Variants in FARP2 observed in about 807,000 individuals in gnomAD.
The protein encoded by FARP2 is FERM, ARH/RhoGEF and pleckstrin domain protein 2.
Under a neutral mutation model 130.5 loss-of-function variants are expected in FARP2, and 111 were observed. The ratio of observed to expected loss-of-function variants is 0.85; its 90% CI spans 0.73 to 1.00. The LOEUF (loss-of-function observed/expected upper bound fraction) is 1.00. Ranked by LOEUF, FARP2 falls within the 50% of genes least tolerant of loss-of-function variation. The pLI is 0.00. For synonymous variants in FARP2, 504 were observed against 516.9 expected (o/e 0.98, Z 0.34); for missense variants, 1,385 against 1,346.3 (o/e 1.03, Z -0.45).
At chr2:241,476,352 A>G (rs2124858969) in intron 19 of FARP2, among the ~76,000 whole-genome samples, 1 of 151,890 alleles carries the variant, frequency 6.6e-6, no homozygotes, top group Admixed American at 6.6e-5. Context: ...ACAGCACTGC[A>G]CTCCAGCCTG....
intron 18 of FARP2, among the ~76,000 whole-genome samples, chr2:241,471,992 A>G (rs437022): frequency 0.36 from 53,675 of 148,296 alleles, 9,520 homozygotes; most frequent in Admixed American, 0.43. Flanking sequence ...TGTTTTGAGG[A>G]GAACCTGTTA....
chr2:241,453,570 C>T (rs1296275925), intron 13 of FARP2, among the ~76,000 whole-genome samples: 6 of 150,824 alleles, frequency 4.0e-5, no homozygotes, highest in Non-Finnish European at 5.9e-5. Context: ...TGCAGTGAGC[C>T]GAGATCGTGT....
rs1038843363 is a variant in FARP2, at chr2:241,472,807, C to A, written c.2132-3050C>A. Among the ~76,000 whole-genome samples, 41 of 148,362 alleles carry A rather than the reference C, an allele frequency of 2.8e-4. 1 individual carries two copies. Among genetic ancestry groups the A allele is most frequent in the Admixed American group, 2.7e-3 (41 of 14,922 alleles). ...CTGAAGGGACTCAGTTCTGAGGGCA[C>A]CCTGTTCTGAGGGGACGCTATTCTG... On this transcript the variant is annotated intron_variant, in intron 18 of 26. Coordinates refer to ENST00000264042, the MANE Select transcript of FARP2 (RefSeq NM_014808.4).
intron 13 of FARP2, chr2:241,442,392 T>C (rs1430712426): frequency 2.2e-6 from 1 of 456,606 alleles, no homozygotes; most frequent in Non-Finnish European, 4.4e-6. Context: ...CATGGGACTC[T>C]GAAACCGAGG....
chr2:241,408,473 G>A (rs372302612), intron 5 of FARP2, among the ~76,000 whole-genome samples: 198 of 151,966 alleles, frequency 1.3e-3, no homozygotes, highest in African/African-American at 4.6e-3. Context: ...AATCCAGGAG[G>A]CAGAGGTTGC....
At chr2:241,433,633 A>G (rs1207686944) in intron 9 of FARP2, among the ~76,000 whole-genome samples, 1 of 152,218 alleles carries the variant, frequency 6.6e-6, no homozygotes, top group Non-Finnish European at 1.5e-5. Flanking sequence ...ATTGTGGGTG[A>G]CTTCATTTTT....
At chr2:241,428,731 C>G (rs1016841072) in intron 8 of FARP2, among the ~76,000 whole-genome samples, 17 of 151,888 alleles carry the variant, frequency 1.1e-4, no homozygotes, top group African/African-American at 4.1e-4. Flanking sequence ...ATGACCGTCA[C>G]TACTATCTAA....
chr2:241,440,647 G>A (rs1032982574), intron 12 of FARP2, among the ~76,000 whole-genome samples: 4 of 152,044 alleles, frequency 2.6e-5, no homozygotes, highest in African/African-American at 9.7e-5. Flanking sequence ...TAACTCCCTC[G>A]CGACGATACA....
chr2:241,436,399 T>TA lies in FARP2; in HGVS notation c.1101-81dup. The TA allele has an allele frequency of 7.5e-6, 9 of 1,193,744 alleles. No homozygotes were observed. In the South Asian group the frequency reaches 1.1e-4, roughly 14 times the overall value. The allele number at this position is 1,193,744 out of a possible 1,614,324, so 73.9% of individuals were successfully genotyped here. A position where few individuals can be genotyped will look rare whatever the true frequency, so the allele number is the denominator to read the frequency against. ...TTTCTTGTGAGGTTTTCTTCATGGA[T>TA]ACAGTACATGCTTGCTGCTTTAAAA... On this transcript the variant is annotated intron_variant, in intron 11 of 26. Transcript: ENST00000264042.
chr2:241,391,905 T>TC (rs1232412699), intron 2 of FARP2, among the ~76,000 whole-genome samples: 1 of 152,016 alleles, frequency 6.6e-6, no homozygotes, highest in Non-Finnish European at 1.5e-5. Flanking sequence ...AACAGGGAAA[T>TC]TTAATAGAAA....
chr2:241,415,989 CTGTG>C (rs57774022), intron 7 of FARP2, among the ~76,000 whole-genome samples: 14,649 of 141,702 alleles, frequency 0.1, 849 homozygotes, highest in East Asian at 0.26. Context: ...CAGGGTAGTT[CTGTG>C]TGTGTGTGTG....
chr2:241,456,138 C>T (rs1420873980), intron 13 of FARP2, among the ~76,000 whole-genome samples: 1 of 152,016 alleles, frequency 6.6e-6, no homozygotes, highest in Admixed American at 6.6e-5. Context: ...CGAAAACAAA[C>T]ATGGTTTTAA....
intron 6 of FARP2, among the ~76,000 whole-genome samples, chr2:241,411,844 C>CAGAA (rs1459298148): frequency 6.6e-6 from 1 of 152,210 alleles, no homozygotes; most frequent in Admixed American, 6.5e-5. Flanking sequence ...GGTCCTTCCC[C>CAGAA]AGACATACCT....
intron 4 of FARP2, among the ~76,000 whole-genome samples, chr2:241,406,629 G>C (rs187676967): frequency 6.2e-4 from 94 of 151,544 alleles, no homozygotes; most frequent in African/African-American, 1.9e-3. Flanking sequence ...GGTTTTTTTG[G>C]GGGGGAGAGG....
chr2:241,437,670 A>ATTTTTTTTTTTTTT (rs763025047), intron 12 of FARP2, among the ~76,000 whole-genome samples: 1 of 133,122 alleles, frequency 7.5e-6, no homozygotes, highest in Admixed American at 9.1e-5. Flanking sequence ...TTATTTATTT[A>ATTTTTTTTTTTTTT]TTTTTTTTTT....
chr2:241,441,205 A>T, intron 12 of FARP2, 99 bp from the exon 13 acceptor site: 2 of 1,041,020 alleles, frequency 1.9e-6, no homozygotes, highest in Non-Finnish European at 2.8e-6. Flanking sequence ...TGTGATAGAA[A>T]TGTGTGGATG....
Position 241,407,522 on chromosome 2 carries a change from AT to A in FARP2, c.332-8del, listed in dbSNP as rs772410935. ...GATCGGCCTTATTTGTGAAGTTTAAATTTTTTTGTTATAGGGCCAAAGAATG... is the reference window on the plus strand; with the variant it reads ...GATCGGCCTTATTTGTGAAGTTTAAATTTTTTGTTATAGGGCCAAAGAATG... On this transcript the variant is annotated splice_polypyrimidine_tract_variant and intron_variant, in intron 4 of 26. Transcript: ENST00000264042. 12 of 1,608,844 alleles carry A rather than the reference AT, an allele frequency of 7.5e-6. No individual in the cohort carries two copies. The highest frequency in any genetic ancestry group is 1.1e-5 in the South Asian group (1 of 90,924).
rs2064703726 is a variant in FARP2, at chr2:241,484,483, A to G, written c.2421+152A>G. 7.8e-6 allele frequency: 5 copies of G among 643,138 alleles called. No individual in the cohort carries two copies. In the East Asian group the frequency reaches 1.4e-4, roughly 18 times the overall value. 39.8% of individuals were successfully genotyped at this position (643,138 alleles called of 1,614,324 possible). ...GCACTGGGAGCAGCACCTGCTGGGC[A>G]TTTCTTGTTGGTTGTTTCTGACCCT... On this transcript the variant is annotated intron_variant, in intron 21 of 26. Coordinates refer to ENST00000264042, the MANE Select transcript of FARP2 (RefSeq NM_014808.4).
intron 13 of FARP2, among the ~76,000 whole-genome samples, chr2:241,450,277 C>T (rs1300513726): frequency 2.0e-5 from 3 of 151,880 alleles, no homozygotes; most frequent in South Asian, 2.1e-4. Flanking sequence ...GTGGGAGGAT[C>T]GAGCCTGGAG....
Sources: gnomAD v4.1 joint callset for allele counts (sites outside exome capture counted in the v4.1 genomes callset) on GRCh38, gnomAD v4.1.1 for gene constraint, MANE v1.5 for transcripts, NCBI Gene and HGNC (gene_info 2026-07-23, HGNC 2026-07-21) for gene names.